Variants in TRMT9B observed in about 807,000 individuals in gnomAD.
TRMT9B encodes the protein probable tRNA methyltransferase 9B.
TRMT9B carries 16 observed loss-of-function variants against 11.5 expected under a neutral mutation model. The ratio of observed to expected loss-of-function variants is 1.39; its 90% CI spans 0.94 to 2.11. The LOEUF (loss-of-function observed/expected upper bound fraction) is 2.11, where lower values mean the gene tolerates loss of function less well. Ranked by LOEUF, TRMT9B falls within the 30% of genes most tolerant of loss-of-function variation. The pLI is 0.00. For synonymous variants in TRMT9B, 274 were observed against 192.4 expected (o/e 1.42, Z -3.51); for missense variants, 941 against 553.8 (o/e 1.70, Z -7.02).
Position 13,022,784 on chromosome 8 carries a change from G to A in TRMT9B, c.*740G>A, listed in dbSNP as rs1174712489. ...AGGCAGAAGGATCACTTGAACCCAG[G>A]AGTTCAAGAATAGCCTGGGCAACAT... On this transcript the variant is annotated 3_prime_UTR_variant, in exon 5 of 5. Transcript: ENST00000524591. The A allele has an allele frequency of 6.0e-6, 1 of 166,144 alleles. No individual in the cohort carries two copies. Among genetic ancestry groups the A allele is most frequent in the Non-Finnish European group, 1.5e-5 (1 of 68,254 alleles). The allele number at this position is 166,144 out of a possible 1,614,324, so 10.3% of individuals were successfully genotyped here.
In TRMT9B at chr8:13,022,957, T is replaced by A. The variant is rs1814189985; in HGVS notation, c.*913T>A. On this transcript the variant is annotated 3_prime_UTR_variant, in exon 5 of 5. Coordinates refer to ENST00000524591, the MANE Select transcript of TRMT9B (RefSeq NM_020844.3). The stretch of plus-strand genomic sequence containing the variant: ...ATGATTGCATCACTGCACTGCAGCC[T>A]GGGCAACATAGCAAGACTCTGTCTC... 1 of 166,668 alleles carries A rather than the reference T, an allele frequency of 6.0e-6. No individual in the cohort carries two copies. Among genetic ancestry groups the A allele is most frequent in the African/African-American group, 2.4e-5 (1 of 41,464 alleles). The allele number at this position is 166,668 out of a possible 1,614,324, so 10.3% of individuals were successfully genotyped here.
chr8:13,012,890 C>T (rs764959012), intron 4 of TRMT9B, 33 bp downstream of exon 4: 1 of 1,606,630 alleles, frequency 6.2e-7, no homozygotes, highest in Admixed American at 1.7e-5. Context: ...TCACCCTTTG[C>T]CATGAGAATA....
intron 1 of TRMT9B, chr8:12,951,972 C>G (rs1253340973): frequency 1.3e-5 from 2 of 154,124 alleles, no homozygotes; most frequent in African/African-American, 4.9e-5. Flanking sequence ...CGCGCGCTCC[C>G]CCACGGCCAC....
intron 1 of TRMT9B, among the ~76,000 whole-genome samples, chr8:12,955,769 C>T (rs1801221833): frequency 1.3e-5 from 2 of 152,152 alleles, no homozygotes; most frequent in Non-Finnish European, 1.5e-5. Context: ...TAGATGCTCA[C>T]AGGAAGGTTG....
At chr8:12,953,691 C>A (rs991655128) in intron 1 of TRMT9B, among the ~76,000 whole-genome samples, 2 of 152,180 alleles carry the variant, frequency 1.3e-5, no homozygotes, top group African/African-American at 4.8e-5. Flanking sequence ...TCTTTGATGG[C>A]TGGCTGAGAA....
rs1198461952 is a variant in TRMT9B at position 13,023,068 on chromosome 8, C to T, written c.*1024C>T. The T allele has an allele frequency of 3.0e-5, 5 of 166,952 alleles. No individual in the cohort carries two copies. The highest frequency in any genetic ancestry group is 1.2e-4 in the African/African-American group (5 of 41,412). The allele number at this position is 166,952 out of a possible 1,614,324, so 10.3% of individuals were successfully genotyped here. On this transcript the variant is annotated 3_prime_UTR_variant, in exon 5 of 5. Coordinates refer to ENST00000524591, the MANE Select transcript of TRMT9B (RefSeq NM_020844.3). ...GTAGTAGGAGTTATATGCAAGTACC[C>T]AAGTGGTATTCTTCCAATCTTATTA...
intron 1 of TRMT9B, among the ~76,000 whole-genome samples, chr8:12,961,518 G>A (rs2460355): frequency 1 from 151,470 of 151,510 alleles, 75,715 homozygotes; most frequent in Middle Eastern, 1. Context: ...TGGTTAACAC[G>A]GTGAAACCCC....
intron 1 of TRMT9B, among the ~76,000 whole-genome samples, chr8:12,971,196 A>G (rs1803569833): frequency 6.6e-6 from 1 of 152,168 alleles, no homozygotes; most frequent in South Asian, 2.1e-4. Flanking sequence ...CTGTATTATC[A>G]AATACTGGTA....
rs979501842 is a variant in TRMT9B, at chr8:13,027,164, C to G, written c.*5120C>G. ...TAAGCCCTGCTGTGTGCTGGATACA[C>G]AGTCTGCTGTGTGCTGGATACATAT... On this transcript the variant is annotated 3_prime_UTR_variant, in exon 5 of 5. Transcript: ENST00000524591. The G allele has an allele frequency of 5.4e-5, 9 of 167,190 alleles. No individual in the cohort carries two copies. Among genetic ancestry groups the G allele is most frequent in the African/African-American group, 2.2e-4 (9 of 41,564 alleles). 10.4% of individuals were successfully genotyped at this position (167,190 alleles called of 1,614,324 possible). A position where few individuals can be genotyped will look rare whatever the true frequency, so the allele number is the denominator to read the frequency against.
chr8:12,947,998 T>C (rs968018493), intron 1 of TRMT9B, among the ~76,000 whole-genome samples: 1 of 152,166 alleles, frequency 6.6e-6, no homozygotes, highest in African/African-American at 2.4e-5. Flanking sequence ...AGTTGACTAA[T>C]AAAGAAACTG....
In TRMT9B at chr8:13,025,931, C is replaced by G. The variant is rs1202156834; in HGVS notation, c.*3887C>G. 6.0e-6 allele frequency: 1 copy of G among 166,810 alleles called. No individual in the cohort carries two copies. The highest frequency in any genetic ancestry group is 1.5e-5 in the Non-Finnish European group (1 of 68,106). 10.3% of individuals were successfully genotyped at this position (166,810 alleles called of 1,614,324 possible). On this transcript the variant is annotated 3_prime_UTR_variant, in exon 5 of 5. Transcript: ENST00000524591. ...TGGAGTAATCCAGAGAAAAAACCAT[C>G]CAAATATAAACCAGCTAGGAACATG...
intron 1 of TRMT9B, among the ~76,000 whole-genome samples, chr8:12,990,169 G>C (rs1807083959): frequency 1.3e-5 from 2 of 152,270 alleles, no homozygotes; most frequent in African/African-American, 4.8e-5. Flanking sequence ...ATGGTTGCAG[G>C]CTGGGACTTA....
chr8:12,966,612 A>C (rs1258947011), intron 1 of TRMT9B, among the ~76,000 whole-genome samples: 1 of 152,206 alleles, frequency 6.6e-6, no homozygotes, highest in Non-Finnish European at 1.5e-5. Context: ...CATTTATTTA[A>C]ATTGGTCTAA....
In TRMT9B at chr8:12,969,071, G is replaced by A. The variant is rs115228796; in HGVS notation, c.-199-21763G>A. ...TACTAATAATAGAAAATATTGGCCG[G>A]GCGTGGTAGCATGCACCTGTAATTC... is the stretch of plus-strand genomic sequence containing the variant. On this transcript the variant is annotated intron_variant, in intron 1 of 4. Coordinates refer to ENST00000524591, the MANE Select transcript of TRMT9B (RefSeq NM_020844.3). Among the ~76,000 whole-genome samples the A allele has an allele frequency of 4.2e-3, 641 of 152,220 alleles. 3 individuals are homozygous for A. Among genetic ancestry groups the A allele is most frequent in the African/African-American group, 0.015 (621 of 41,544 alleles).
At chr8:12,972,729 G>C (rs62488992) in intron 1 of TRMT9B, among the ~76,000 whole-genome samples, 1 of 152,178 alleles carries the variant, frequency 6.6e-6, no homozygotes. Flanking sequence ...TCCCAAATAC[G>C]CTAGGTGACA....
intron 3 of TRMT9B, chr8:13,006,974 C>G (rs902132166): frequency 1.3e-5 from 2 of 154,478 alleles, no homozygotes; most frequent in African/African-American, 2.4e-5. Context: ...TGGCCTCAAA[C>G]TTTACCTTTA....
intron 3 of TRMT9B, chr8:13,010,183 T>A: frequency 1.2e-6 from 1 of 832,252 alleles, no homozygotes; most frequent in Non-Finnish European, 1.4e-6. Flanking sequence ...TAAATACCTC[T>A]GTGCAAATCA....
intron 1 of TRMT9B, among the ~76,000 whole-genome samples, chr8:12,988,740 G>T (rs1432156154): frequency 6.6e-6 from 1 of 152,074 alleles, no homozygotes; most frequent in South Asian, 2.1e-4. Context: ...GGGGATGATG[G>T]GAACTACAAT....
At chr8:12,997,389 G>A (rs572300243) in intron 2 of TRMT9B, among the ~76,000 whole-genome samples, 1 of 152,222 alleles carries the variant, frequency 6.6e-6, no homozygotes, top group South Asian at 2.1e-4. Context: ...TCCACCATGA[G>A]TAACAGCTTC....
Sources: gnomAD v4.1 joint callset for allele counts (sites outside exome capture counted in the v4.1 genomes callset) on GRCh38, gnomAD v4.1.1 for gene constraint, MANE v1.5 for transcripts, NCBI Gene and HGNC (gene_info 2026-07-23, HGNC 2026-07-21) for gene names.